Variants in SARNP observed in about 807,000 individuals in gnomAD.
The protein encoded by SARNP is SAP domain-containing ribonucleoprotein.
A neutral mutation model predicts 38.1 loss-of-function variants in SARNP; 5 were observed. The observed-to-expected ratio is 0.13, with a 90% CI of 0.07 to 0.28. The LOEUF (loss-of-function observed/expected upper bound fraction) is 0.28. SARNP is among the 10% of genes least tolerant of loss of function. The pLI, the probability that SARNP is intolerant of heterozygous loss-of-function variation, is 1.00. For synonymous variants in SARNP, 84 were observed against 80.6 expected, an observed-to-expected ratio of 1.04 and a Z score of -0.23; for missense variants, 180 against 243.9, an observed-to-expected ratio of 0.74 and a Z score of 1.75.
chr12:55,763,327 C>G (rs1878732779), intron 9 of SARNP, among the ~76,000 whole-genome samples: 1 of 150,180 alleles, frequency 6.7e-6, no homozygotes. Context: ...TTTTTTTTCC[C>G]CAGAGACAGA....
At chr12:55,796,794 C>T (rs1008422658) in intron 4 of SARNP, among the ~76,000 whole-genome samples, 1 of 152,150 alleles carries the variant, frequency 6.6e-6, no homozygotes, top group Non-Finnish European at 1.5e-5. Flanking sequence ...AAGTACTCTA[C>T]AAGGTCTGGT....
rs1565673497 is a variant in SARNP at position 55,774,558 on chromosome 12, T to TAAAAAAAAAAAA, written c.502-13919_502-13918insTTTTTTTTTTTT. 3.7e-3 allele frequency among the ~76,000 whole-genome samples: 148 copies of TAAAAAAAAAAAA among 40,506 alleles called. 14 individuals carry two copies. Among genetic ancestry groups the TAAAAAAAAAAAA allele is most frequent in the South Asian group, 7.6e-3 (7 of 920 alleles). 26.6% of individuals were successfully genotyped at this position (40,506 alleles called of 152,430 possible). On this transcript the variant is annotated intron_variant, in intron 9 of 10. Coordinates refer to ENST00000336133, the MANE Select transcript of SARNP (RefSeq NM_033082.4). ...CGACACGGTGAAACCCCGTCTCTAC[T>TAAAAAAAAAAAA]GAAAAAAAAAAAAAAACAAACAAAA...
chr12:55,817,573 C>G, intron 1 of SARNP, 93 bp downstream of exon 1: 1 of 1,210,114 alleles, frequency 8.3e-7, no homozygotes, highest in Non-Finnish European at 1.2e-6. Context: ...GTGGAAAAGG[C>G]TGCACGGAGA....
chr12:55,811,600 CA>C (rs1880329645), intron 1 of SARNP, among the ~76,000 whole-genome samples: 1 of 152,016 alleles, frequency 6.6e-6, no homozygotes, highest in Non-Finnish European at 1.5e-5. Context: ...AACAAACAAA[CA>C]AACAAACCAC....
At chr12:55,809,636 G>A (rs551976767) in intron 1 of SARNP, among the ~76,000 whole-genome samples, 1 of 149,602 alleles carries the variant, frequency 6.7e-6, no homozygotes, top group South Asian at 2.1e-4. Flanking sequence ...CTAGCTACTC[G>A]GGAGGCTAAG....
intron 4 of SARNP, among the ~76,000 whole-genome samples, chr12:55,797,137 T>C (rs1879844578): frequency 6.6e-6 from 1 of 152,248 alleles, no homozygotes; most frequent in Non-Finnish European, 1.5e-5. Flanking sequence ...TCCAATATCC[T>C]GAACACTTTT....
In SARNP at chr12:55,757,444, T is replaced by C; in HGVS notation, c.*68A>G. 1 of 1,401,770 alleles carries C rather than the reference T, an allele frequency of 7.1e-7. No individual in the cohort carries two copies. The highest frequency in any genetic ancestry group is 9.9e-7 in the Non-Finnish European group (1 of 1,007,074). The allele number at this position is 1,401,770 out of a possible 1,614,324, so 86.8% of individuals were successfully genotyped here. A position where few individuals can be genotyped will look rare whatever the true frequency, so the allele number is the denominator to read the frequency against. ...AGGCACATGACTGTGCATTTAGGCA[T>C]ATATGTGACCAAGAAGAAGGAGAGA... On this transcript the variant is annotated 3_prime_UTR_variant, in exon 11 of 11. Coordinates refer to ENST00000336133, the MANE Select transcript of SARNP (RefSeq NM_033082.4).
intron 2 of SARNP, among the ~76,000 whole-genome samples, chr12:55,801,128 A>C (rs1457180240): frequency 6.6e-6 from 1 of 152,216 alleles, no homozygotes; most frequent in African/African-American, 2.4e-5. Flanking sequence ...ATGTGAAGTC[A>C]AACTAGAGAA....
In SARNP at chr12:55,817,669, T is replaced by C. The variant is rs1322790719; in HGVS notation, c.33A>G (p.Leu11=). 1.4e-5 allele frequency: 22 copies of C among 1,612,428 alleles called. No homozygotes were observed. Among genetic ancestry groups the C allele is most frequent in the East Asian group, 2.2e-5 (1 of 44,684 alleles). The change falls in exon 1 of 11, where the codon CTA becomes CTG. Residue 11 remains leucine, a synonymous_variant. Transcript: ENST00000336133. MATETVELHK[L]KLAELKQECL... ...GCCCTTCCCCGATTCACGGTACCTT[T>C]AGCTTATGGAGCTCCACCGTCTCGG...
At chr12:55,791,964 T>G (rs1323140839) in intron 7 of SARNP, among the ~76,000 whole-genome samples, 1 of 152,102 alleles carries the variant, frequency 6.6e-6, no homozygotes, top group Non-Finnish European at 1.5e-5. Flanking sequence ...TAATTTTAAC[T>G]ATTATCTTTC....
intron 9 of SARNP, among the ~76,000 whole-genome samples, chr12:55,772,623 C>T (rs1195323902): frequency 6.6e-6 from 1 of 152,102 alleles, no homozygotes; most frequent in African/African-American, 2.4e-5. Flanking sequence ...CCATCTCCCT[C>T]CTTTAAAAGC....
intron 10 of SARNP, among the ~76,000 whole-genome samples, chr12:55,759,195 A>G (rs1195438652): frequency 6.6e-6 from 1 of 152,234 alleles, no homozygotes; most frequent in Non-Finnish European, 1.5e-5. Flanking sequence ...AAGTGACAAG[A>G]ACAGGAAGTC....
chr12:55,809,750 C>CA (rs56963700), intron 1 of SARNP, among the ~76,000 whole-genome samples: 107,292 of 142,726 alleles, frequency 0.75, 44,369 homozygotes, highest in Non-Finnish European at 0.94. Flanking sequence ...TCTCAAAAAA[C>CA]AAAAAAAAAA....
At chr12:55,795,407 C>T (rs1879792416) in intron 5 of SARNP, among the ~76,000 whole-genome samples, 1 of 151,910 alleles carries the variant, frequency 6.6e-6, no homozygotes, top group Admixed American at 6.6e-5. Flanking sequence ...TTACTAGATG[C>T]CCTCAAAAAC....
chr12:55,765,752 C>T (rs557948879), intron 9 of SARNP, among the ~76,000 whole-genome samples: 2 of 152,120 alleles, frequency 1.3e-5, no homozygotes, highest in African/African-American at 4.8e-5. Context: ...AACAATACAT[C>T]GTTCCCCCAA....
At chr12:55,779,208 T>C (rs1879271805) in intron 9 of SARNP, among the ~76,000 whole-genome samples, 1 of 152,196 alleles carries the variant, frequency 6.6e-6, no homozygotes, top group South Asian at 2.1e-4. Flanking sequence ...AACATAGTTA[T>C]TCAAATGGAA....
intron 1 of SARNP, among the ~76,000 whole-genome samples, chr12:55,814,325 G>A (rs1411663078): frequency 6.6e-6 from 1 of 152,272 alleles, no homozygotes; most frequent in East Asian, 1.9e-4. Context: ...ACATAACTTA[G>A]AAAGCCCTTT....
intron 1 of SARNP, among the ~76,000 whole-genome samples, chr12:55,814,404 A>G (rs1880422011): frequency 1.3e-5 from 2 of 152,128 alleles, no homozygotes; most frequent in South Asian, 2.1e-4. Flanking sequence ...AACTACCAAT[A>G]TATTTCCTCA....
At chr12:55,809,103 G>A (rs2136206634) in intron 1 of SARNP, among the ~76,000 whole-genome samples, 1 of 151,934 alleles carries the variant, frequency 6.6e-6, no homozygotes, top group South Asian at 2.1e-4. Flanking sequence ...CTACTTGAGG[G>A]GCTAAAGCTG....
Sources: gnomAD v4.1 joint callset for allele counts (sites outside exome capture counted in the v4.1 genomes callset) on GRCh38, gnomAD v4.1.1 for gene constraint, MANE v1.5 for transcripts, NCBI Gene and HGNC (gene_info 2026-07-23, HGNC 2026-07-21) for gene names.